The following ST3GAL3 variants were observed in gnomAD, a reference collection of about 807,000 sequenced individuals.
ST3GAL3 encodes the protein ST3 beta-galactoside alpha-2,3-sialyltransferase 3, also known as CMP-N-acetylneuraminate-beta-1,4-galactoside alpha-2,3-sialyltransferase.
ST3GAL3 carries 21 observed loss-of-function variants against 50.1 expected under a neutral mutation model. The observed-to-expected ratio is 0.42, with a 90% confidence interval of 0.30 to 0.60. The LOEUF is 0.60. Among genes scored for constraint, ST3GAL3 ranks in the 20% least tolerant of loss-of-function variants. ST3GAL3 has a pLI of 0.19. For synonymous variants in ST3GAL3, 183 were observed against 190.0 expected (o/e 0.96, Z 0.30); for missense variants, 353 against 489.4 (o/e 0.72, Z 2.63).
intron 9 of ST3GAL3, chr1:43,919,069 C>CTTTTTTTTTTTTTTTTTTTTTTT (rs1170641209): frequency 5.0e-5 from 3 of 60,328 alleles, no homozygotes; most frequent in East Asian, 5.7e-4. Context: ...TTCTTTGTTT[C>CTTTTTTTTTTTTTTTTTTTTTTT]TTTTTTTTTT....
intron 2 of ST3GAL3, among the ~76,000 whole-genome samples, chr1:43,744,683 T>TAAATAAATAAATAAATAAAATA (rs1340747335): frequency 7.0e-6 from 1 of 143,066 alleles, no homozygotes; most frequent in Non-Finnish European, 1.5e-5. Flanking sequence ...AATAAATAAA[T>TAAATAAATAAATAAATAAAATA]AAATAAAATA....
At chr1:43,929,445 T>C (rs1277246350) in intron 11 of ST3GAL3, among the ~76,000 whole-genome samples, 1 of 152,014 alleles carries the variant, frequency 6.6e-6, no homozygotes, top group African/African-American at 2.4e-5. Flanking sequence ...GCTGGGATTA[T>C]AGGCGCTACC....
intron 5 of ST3GAL3, among the ~76,000 whole-genome samples, chr1:43,871,449 A>G (rs1251916172): frequency 1.5e-5 from 2 of 129,704 alleles, no homozygotes; most frequent in South Asian, 2.8e-4. Flanking sequence ...AGAAGATGGC[A>G]TGTGAAGAAG....
intron 2 of ST3GAL3, chr1:43,743,675 G>T: frequency 4.2e-6 from 1 of 236,494 alleles, no homozygotes; most frequent in South Asian, 4.9e-5. Context: ...GAAGATGAAA[G>T]TACCATTGCC....
intron 2 of ST3GAL3, among the ~76,000 whole-genome samples, chr1:43,771,439 G>A (rs1695125374): frequency 6.6e-6 from 1 of 151,830 alleles, no homozygotes; most frequent in African/African-American, 2.4e-5. Context: ...CTCACCGCAG[G>A]CTCCGCCCCC....
intron 5 of ST3GAL3, among the ~76,000 whole-genome samples, chr1:43,866,684 A>G (rs973421024): frequency 3.3e-5 from 5 of 152,174 alleles, no homozygotes; most frequent in Non-Finnish European, 7.3e-5. Flanking sequence ...CATGATGCAC[A>G]TAAGGACATT....
intron 2 of ST3GAL3, among the ~76,000 whole-genome samples, chr1:43,783,239 C>T (rs2154144203): frequency 6.6e-6 from 1 of 152,334 alleles, no homozygotes; most frequent in East Asian, 1.9e-4. Flanking sequence ...GTCCATGCCA[C>T]CTGCAGGTCC....
chr1:43,898,631 C>T (rs2077749389), intron 7 of ST3GAL3, among the ~76,000 whole-genome samples: 1 of 152,158 alleles, frequency 6.6e-6, no homozygotes, highest in Non-Finnish European at 1.5e-5. Context: ...GGCTTAAGTC[C>T]AGAAGGCAGT....
At chr1:43,866,588 T>TAA (rs368612359) in intron 5 of ST3GAL3, among the ~76,000 whole-genome samples, 5 of 129,208 alleles carry the variant, frequency 3.9e-5, no homozygotes, top group African/African-American at 8.7e-5. Flanking sequence ...TGTCTCAAGG[T>TAA]AAAAAAAAAA....
chr1:43,904,143 A>T (rs1481144253), intron 9 of ST3GAL3, among the ~76,000 whole-genome samples: 1 of 152,138 alleles, frequency 6.6e-6, no homozygotes, highest in Non-Finnish European at 1.5e-5. Flanking sequence ...GGCCAGGCCT[A>T]GAGGAGGGAG....
chr1:43,785,803 T>C (rs1346054970), intron 2 of ST3GAL3, among the ~76,000 whole-genome samples: 1 of 152,132 alleles, frequency 6.6e-6, no homozygotes, highest in Non-Finnish European at 1.5e-5. Context: ...TCTAGGTGGA[T>C]GAGGAGTCTA....
At chr1:43,784,634 A>G (rs568549119) in intron 2 of ST3GAL3, among the ~76,000 whole-genome samples, 2 of 152,336 alleles carry the variant, frequency 1.3e-5, no homozygotes, top group African/African-American at 2.4e-5. Flanking sequence ...GTCAGATACC[A>G]TGTCTGATCT....
chr1:43,826,874 C>A (rs1008223347), intron 4 of ST3GAL3, among the ~76,000 whole-genome samples: 1 of 152,054 alleles, frequency 6.6e-6, no homozygotes, highest in African/African-American at 2.4e-5. Flanking sequence ...TGTAAAAAAA[C>A]CATTTGATAC....
At chr1:43,808,303 C>CAA (rs35302476) in intron 3 of ST3GAL3, among the ~76,000 whole-genome samples, 8 of 108,202 alleles carry the variant, frequency 7.4e-5, no homozygotes, top group African/African-American at 1.4e-4. Flanking sequence ...GACTCCATCT[C>CAA]AAAAAAAAAA....
intron 2 of ST3GAL3, among the ~76,000 whole-genome samples, chr1:43,777,025 G>A (rs184421460): frequency 7.2e-5 from 11 of 152,228 alleles, no homozygotes; most frequent in Admixed American, 6.5e-4. Context: ...TATGGCTAAT[G>A]ACTTCAGAGT....
chr1:43,740,824 A>G (rs113940218), intron 2 of ST3GAL3, among the ~76,000 whole-genome samples: 37 of 148,816 alleles, frequency 2.5e-4, no homozygotes, highest in Non-Finnish European at 8.9e-5. Context: ...TTAAGAAAGA[A>G]AGAGAGAGAG....
chr1:43,899,513 A>G lies in ST3GAL3; in HGVS notation c.558-28A>G. The stretch of plus-strand genomic sequence containing the variant: ...ATGGTGCCTTCCCAAACACAGGCCC[A>G]GGCTCTGAGTGGGCCTGCTCTCTGT... On this transcript the variant is annotated intron_variant, in intron 8 of 11. Coordinates refer to ENST00000347631, the MANE Select transcript of ST3GAL3 (RefSeq NM_006279.5). The surrounding 1 kb of genome is among the most constrained non-coding windows in gnomAD (Gnocchi z 5.4). 6.2e-7 allele frequency: 1 copy of G among 1,609,982 alleles called. No homozygotes were observed. Among genetic ancestry groups the G allele is most frequent in the Non-Finnish European group, 8.5e-7 (1 of 1,179,988 alleles).
chr1:43,889,528 T>G (rs1380182304), intron 5 of ST3GAL3, among the ~76,000 whole-genome samples: 2 of 152,210 alleles, frequency 1.3e-5, no homozygotes, highest in African/African-American at 4.8e-5. Flanking sequence ...AACTGGCAAA[T>G]GCAAAGTAAT....
chr1:43,865,614 C>T (rs1350213457), intron 5 of ST3GAL3, among the ~76,000 whole-genome samples: 1 of 152,152 alleles, frequency 6.6e-6, no homozygotes, highest in East Asian at 1.9e-4. Context: ...TTAGAGAATG[C>T]TGACATGATG....
Sources: allele counts gnomAD v4.1 joint callset (sites outside exome capture counted in the v4.1 genomes callset), GRCh38; gene constraint gnomAD v4.1.1; non-coding constraint Gnocchi (gnomAD v3.1); transcripts MANE v1.5; gene names NCBI Gene and HGNC (gene_info 2026-07-23, HGNC 2026-07-21).